The following GPHN variants were observed in gnomAD, a reference collection of about 807,000 sequenced individuals.
GPHN encodes gephyrin.
Under a neutral mutation model 95.5 loss-of-function variants are expected in GPHN, and 17 were observed. The ratio of observed to expected loss-of-function variants is 0.18; its 90% CI spans 0.12 to 0.27. The LOEUF (loss-of-function observed/expected upper bound fraction) is 0.27. Among genes scored for constraint, GPHN ranks in the 10% least tolerant of loss-of-function variants. The probability of loss-of-function intolerance (pLI) is 1.00; values close to 1 mark genes in which losing one functional copy is unlikely to be tolerated. For synonymous variants in GPHN, 320 were observed against 322.5 expected, an observed-to-expected ratio of 0.99 and a Z score of 0.08; for missense variants, 660 against 978.1, an observed-to-expected ratio of 0.67 and a Z score of 4.34.
At chr14:67,254,909 G>A in the GPHN span, among the ~76,000 whole-genome samples, 22 of 152,312 alleles carry the variant, frequency 1.4e-4, no homozygotes, top group African/African-American at 5.1e-4. Context: ...CCAGCACTTT[G>A]GGAGGCCAAG....
chr14:66,737,666 T>C (rs2153437558), intron 2 of GPHN, among the ~76,000 whole-genome samples: 1 of 152,358 alleles, frequency 6.6e-6, no homozygotes, highest in South Asian at 2.1e-4. Flanking sequence ...CATCAGCAGA[T>C]ACCACCAGAG....
chr14:67,241,987 T>C, the GPHN span: 4 of 152,240 alleles, frequency 2.6e-5, no homozygotes, highest in South Asian at 2.1e-4. Flanking sequence ...CAGCTGCTGG[T>C]ATTCTGCTGC....
At chr14:67,095,634 A>G (rs1396595258) in intron 12 of GPHN, among the ~76,000 whole-genome samples, 2 of 152,152 alleles carry the variant, frequency 1.3e-5, no homozygotes, top group South Asian at 2.1e-4. Flanking sequence ...TTGTAGGGAC[A>G]TGGATGAAAT....
chr14:66,769,227 T>C (rs2059073410), intron 2 of GPHN, among the ~76,000 whole-genome samples: 2 of 152,124 alleles, frequency 1.3e-5, no homozygotes, highest in African/African-American at 4.8e-5. Context: ...CTTTCACTTC[T>C]TAAAGTGTAT....
At chr14:67,575,669 G>A in the GPHN span, 92 of 713,690 alleles carry the variant, frequency 1.3e-4, no homozygotes, top group Admixed American at 1.9e-3. Context: ...TCATTCTGCT[G>A]CCAGCCTGGC....
chr14:66,811,014 C>T (rs2153482586), intron 3 of GPHN, among the ~76,000 whole-genome samples: 1 of 152,272 alleles, frequency 6.6e-6, no homozygotes, highest in African/African-American at 2.4e-5. Flanking sequence ...GAATATTGTG[C>T]AGACTTAAAA....
the GPHN span, among the ~76,000 whole-genome samples, chr14:67,547,118 A>G: frequency 6.6e-6 from 1 of 152,206 alleles, no homozygotes; most frequent in East Asian, 1.9e-4. Flanking sequence ...ATGTCTTCAC[A>G]TGGAAATGTT....
chr14:66,707,643 C>A (rs550984826), intron 2 of GPHN, among the ~76,000 whole-genome samples: 1 of 152,142 alleles, frequency 6.6e-6, no homozygotes, highest in Non-Finnish European at 1.5e-5. Flanking sequence ...CGGAGGAGAA[C>A]AACACACACC....
chr14:66,968,114 G>C (rs941946223), intron 9 of GPHN, among the ~76,000 whole-genome samples: 1 of 151,654 alleles, frequency 6.6e-6, no homozygotes, highest in South Asian at 2.1e-4. Flanking sequence ...TTTTAGCACC[G>C]AGCTCTGTTT....
At chr14:66,733,222 A>T (rs1262286942) in intron 2 of GPHN, among the ~76,000 whole-genome samples, 1 of 151,846 alleles carries the variant, frequency 6.6e-6, no homozygotes, top group Admixed American at 6.5e-5. Context: ...TCGCCACATA[A>T]GACATGCCTG....
chr14:67,632,184 G>C, the GPHN span, among the ~76,000 whole-genome samples: 1 of 152,160 alleles, frequency 6.6e-6, no homozygotes, highest in Non-Finnish European at 1.5e-5. Flanking sequence ...ACTATGCCCA[G>C]CAAAAACTTT....
chr14:67,694,431 AAT>A, the GPHN span, among the ~76,000 whole-genome samples: 232 of 139,622 alleles, frequency 1.7e-3, no homozygotes, highest in Admixed American at 4.1e-3. Flanking sequence ...CAGCTCCTGG[AAT>A]ATATATATAT....
chr14:67,150,448 A>C (rs1476877519), intron 18 of GPHN, among the ~76,000 whole-genome samples: 3 of 143,146 alleles, frequency 2.1e-5, no homozygotes, highest in Admixed American at 7.0e-5. Context: ...CTCAAAAAAA[A>C]AAAACAAAAA....
chr14:66,677,094 C>G (rs1342035841), intron 1 of GPHN, among the ~76,000 whole-genome samples: 1 of 151,936 alleles, frequency 6.6e-6, no homozygotes, highest in Non-Finnish European at 1.5e-5. Flanking sequence ...ATAATAATTT[C>G]TAGTGGTCCT....
intron 17 of GPHN, among the ~76,000 whole-genome samples, chr14:67,125,641 G>T (rs974611134): frequency 6.6e-6 from 1 of 152,174 alleles, no homozygotes; most frequent in Admixed American, 6.5e-5. Flanking sequence ...GCTAGGCATG[G>T]TGGTGCATGC....
chr14:67,318,036 A>G, the GPHN span, among the ~76,000 whole-genome samples: 6 of 152,230 alleles, frequency 3.9e-5, no homozygotes, highest in African/African-American at 1.4e-4. Context: ...CTAGTTTAAC[A>G]GTCTCTACCA....
chr14:67,244,232 G>C, the GPHN span, among the ~76,000 whole-genome samples: 2 of 152,180 alleles, frequency 1.3e-5, no homozygotes, highest in African/African-American at 4.8e-5. Flanking sequence ...TTGAGCGCAT[G>C]TGTGGACGCT....
the GPHN span, among the ~76,000 whole-genome samples, chr14:67,698,296 T>C: frequency 6.6e-6 from 1 of 152,172 alleles, no homozygotes; most frequent in Non-Finnish European, 1.5e-5. Context: ...TTAAAAACCA[T>C]TGATTATCTC....
chr14:67,037,978 G>A (rs928454886), intron 10 of GPHN, among the ~76,000 whole-genome samples: 3 of 151,852 alleles, frequency 2.0e-5, no homozygotes, highest in Non-Finnish European at 4.4e-5. Flanking sequence ...ATTGAAAATA[G>A]CATCTCAAAA....
Sources: gnomAD v4.1 joint callset for allele counts (sites outside exome capture counted in the v4.1 genomes callset) on GRCh38, gnomAD v4.1.1 for gene constraint, MANE v1.5 for transcripts, NCBI Gene and HGNC (gene_info 2026-07-23, HGNC 2026-07-21) for gene names.